ZNF285: variants seen among roughly 807,000 people sequenced by gnomAD.
The protein encoded by ZNF285 is zinc finger protein 285.
Under a neutral mutation model 6.2 loss-of-function variants are expected in ZNF285, and 4 were observed. The ratio of observed to expected loss-of-function variants is 0.65; its 90% CI spans 0.32 to 1.49. The LOEUF is 1.49. ZNF285 is among the 40% of genes most tolerant of loss of function. The pLI is 0.07. For missense variants in ZNF285, 695 were observed against 708.8 expected (o/e 0.98, Z 0.22); for synonymous variants, 240 against 245.8 (o/e 0.98, Z 0.22).
In ZNF285 at chr19:44,397,346, A is replaced by C. The variant is rs952408925; in HGVS notation, c.-43-90T>G. 2.7e-6 allele frequency: 4 copies of C among 1,466,342 alleles called. No homozygotes were observed. In the African/African-American group the frequency reaches 4.2e-5, roughly 15 times the overall value. The allele number at this position is 1,466,342 out of a possible 1,614,324, so 90.8% of individuals were successfully genotyped here. ...TCCTTATCTGTACAAGTTTCTCACA[A>C]TTTCTCCTCTCACTGGATATCATCT... On this transcript the variant is annotated intron_variant, in intron 1 of 3. Transcript: ENST00000614994.
At chr19:44,396,277 T>A (rs778260806) in intron 2 of ZNF285, among the ~76,000 whole-genome samples, 1 of 152,140 alleles carries the variant, frequency 6.6e-6, no homozygotes, top group East Asian at 1.9e-4. Context: ...AACTGCATGA[T>A]GGGTACTGCA....
At chr19:44,394,482 C>G in intron 2 of ZNF285, 1 of 484,486 alleles carries the variant, frequency 2.1e-6, no homozygotes, top group Non-Finnish European at 3.6e-6. Context: ...AATTTTACAC[C>G]AAACCCCCGC....
At position 44,394,475 on chromosome 19, in the gene ZNF285, T is replaced by C. The variant is rs1488534219; in HGVS notation, c.16-2009A>G. On this transcript the variant is annotated intron_variant, in intron 2 of 3. Transcript: ENST00000614994. ...ATGCTGATTACCTGGGTGACAAAAT[T>C]TTACACCAAACCCCCGCAACACATA... The C allele has an allele frequency of 1.8e-5, 9 of 486,588 alleles. No individual in the cohort carries two copies. The Admixed American group carries it at 3.5e-4, about 19-fold the overall frequency. 30.1% of individuals were successfully genotyped at this position (486,588 alleles called of 1,614,324 possible).
intron 2 of ZNF285, among the ~76,000 whole-genome samples, chr19:44,394,181 T>C (rs1971241776): frequency 1.3e-5 from 2 of 151,844 alleles, no homozygotes; most frequent in Non-Finnish European, 2.9e-5. Context: ...AAACACCACA[T>C]GTTCTCACTC....
chr19:44,382,352 G>A lies in ZNF285; in HGVS notation c.*4120C>T, dbSNP rs1971017236. 7.1e-6 allele frequency: 1 copy of A among 141,120 alleles called. No individual in the cohort carries two copies. The highest frequency in any genetic ancestry group is 1.5e-5 in the Non-Finnish European group (1 of 66,272). The allele number at this position is 141,120 out of a possible 1,614,324, so 8.7% of individuals were successfully genotyped here. A position where few individuals can be genotyped will look rare whatever the true frequency, so the allele number is the denominator to read the frequency against. On this transcript the variant is annotated 3_prime_UTR_variant, in exon 4 of 4. Coordinates refer to ENST00000614994, the MANE Select transcript of ZNF285 (RefSeq NM_152354.6). ...CTTGCCCTGTCGCCTGGGCTGGAGT[G>A]CAGTGGTGCGATCTTGGCTCATTGC...
intron 1 of ZNF285, among the ~76,000 whole-genome samples, chr19:44,401,272 G>A (rs1219855258): frequency 6.6e-6 from 1 of 152,142 alleles, no homozygotes; most frequent in Non-Finnish European, 1.5e-5. Flanking sequence ...GCTTCGACCC[G>A]AGGAGGCACA....
chr19:44,392,382 G>A lies in ZNF285; in HGVS notation c.100C>T (p.Gln34Ter). The A allele has an allele frequency of 6.2e-7, 1 of 1,613,788 alleles. No individual in the cohort carries two copies. Among genetic ancestry groups the A allele is most frequent in the East Asian group, 2.2e-5 (1 of 44,886 alleles). The change falls in exon 3 of 4, where the codon CAA (glutamine) becomes TAA (stop). Residue 34 changes from glutamine to a stop codon, truncating the protein, a stop_gained. Transcript: ENST00000614994. LOFTEE classifies it low-confidence loss of function (END_TRUNC). ...LLDKAQINLY[Q>*]DVMLENFRNL... ...CTGAAGTTTTCCAGCATCACATCTT[G>A]GTACAGGTTTATCTGGGCTTTATCC...
intron 3 of ZNF285, among the ~76,000 whole-genome samples, chr19:44,390,563 C>T (rs552453574): frequency 7.2e-5 from 11 of 152,156 alleles, no homozygotes; most frequent in Admixed American, 2.0e-4. Flanking sequence ...GGCTTGTCTC[C>T]GATGAGACAA....
At position 44,388,091 on chromosome 19, in the gene ZNF285, T is replaced by C. The variant is rs375736113; in HGVS notation, c.154A>G (p.Lys52Glu). 2.0e-5 allele frequency: 33 copies of C among 1,612,594 alleles called. No individual in the cohort carries two copies. Among genetic ancestry groups the C allele is most frequent in the Non-Finnish European group, 2.8e-5 (33 of 1,179,244 alleles). ...RNLMLVRDGI[K>E]NNILNLQAKG... ...GCCTGAAGATTCAAAATGTTGTTTT[T>C]AATCCCGTCTCCTAGGAGAAGAAAG... The change falls in exon 4 of 4, where the codon AAA (lysine) becomes GAA (glutamate). Residue 52 changes from lysine to glutamate, a missense_variant. Lys to Glu is a moderately conservative substitution (Grantham distance 56). Transcript: ENST00000614994.
chr19:44,386,722 C>A lies in ZNF285; in HGVS notation c.1523G>T (p.Arg508Ile). The change falls in exon 4 of 4, where the codon AGA (arginine) becomes ATA (isoleucine). Residue 508 changes from arginine to isoleucine, a missense_variant. Physicochemically the swap from Arg to Ile is moderately conservative, Grantham distance 97. Coordinates refer to ENST00000614994, the MANE Select transcript of ZNF285 (RefSeq NM_152354.6). ...YFHLHQRDHI[R>I]EKPYKCDECG... Reference sequence around the variant, plus strand: ...CTCATCACATTTATATGGTTTCTCTCTGATGTGATCTCTTTGATGTAAGTG... The same window carrying A: ...CTCATCACATTTATATGGTTTCTCTATGATGTGATCTCTTTGATGTAAGTG... 1 of 1,614,196 alleles carries A rather than the reference C, an allele frequency of 6.2e-7. No individual in the cohort carries two copies. The highest frequency in any genetic ancestry group is 8.5e-7 in the Non-Finnish European group (1 of 1,180,026).
intron 2 of ZNF285, among the ~76,000 whole-genome samples, chr19:44,393,064 T>C (rs1411161534): frequency 6.6e-6 from 1 of 152,064 alleles, no homozygotes; most frequent in Non-Finnish European, 1.5e-5. Flanking sequence ...AACTAGGTAT[T>C]AAAAAATAGT....
At chr19:44,396,043 A>G (rs543877663) in intron 2 of ZNF285, among the ~76,000 whole-genome samples, 48 of 152,158 alleles carry the variant, frequency 3.2e-4, no homozygotes, top group Middle Eastern at 3.2e-3. Context: ...TAGAAAATGT[A>G]CCTAATGAAT....
At chr19:44,391,877 C>G (rs189123272) in intron 3 of ZNF285, among the ~76,000 whole-genome samples, 14 of 152,178 alleles carry the variant, frequency 9.2e-5, no homozygotes, top group Admixed American at 2.0e-4. Context: ...TACTACATAC[C>G]AGTAAGTGTT....
chr19:44,400,816 C>T (rs1257467930), intron 1 of ZNF285, among the ~76,000 whole-genome samples: 1 of 152,036 alleles, frequency 6.6e-6, no homozygotes, highest in South Asian at 2.1e-4. Flanking sequence ...CTCCTGACCT[C>T]GTGATCCGCC....
chr19:44,396,430 A>G (rs2123285221), intron 2 of ZNF285, among the ~76,000 whole-genome samples: 1 of 152,314 alleles, frequency 6.6e-6, no homozygotes, highest in East Asian at 1.9e-4. Context: ...CAGTTATTGA[A>G]TCAAACACTA....
chr19:44,392,841 G>T (rs1049710044), intron 2 of ZNF285, among the ~76,000 whole-genome samples: 1 of 152,152 alleles, frequency 6.6e-6, no homozygotes, highest in Non-Finnish European at 1.5e-5. Flanking sequence ...CTAAGGTGTT[G>T]TGCTGATACA....
At chr19:44,395,656 A>G (rs1240580939) in intron 2 of ZNF285, among the ~76,000 whole-genome samples, 1 of 152,114 alleles carries the variant, frequency 6.6e-6, no homozygotes, top group Non-Finnish European at 1.5e-5. Context: ...GGTAAGTTAG[A>G]CTGCTGTTTA....
At position 44,392,480 on chromosome 19, in the gene ZNF285, C is replaced by A. The variant is rs187124306; in HGVS notation, c.16-14G>T. On this transcript the variant is annotated splice_polypyrimidine_tract_variant and intron_variant, in intron 2 of 3. Coordinates refer to ENST00000614994, the MANE Select transcript of ZNF285 (RefSeq NM_152354.6). ...TGTCACCCTTTCCTAAAACATCAACCACATGCCACGTCAATCATCCACACA... is the reference window on the plus strand; with the variant it reads ...TGTCACCCTTTCCTAAAACATCAACAACATGCCACGTCAATCATCCACACA... 4.4e-4 allele frequency: 702 copies of A among 1,613,784 alleles called. No homozygotes were observed. In the Middle Eastern group the frequency reaches 8.1e-3, roughly 19 times the overall value.
chr19:44,386,579 G>A lies in ZNF285; in HGVS notation c.1666C>T (p.Leu556Phe), dbSNP rs777841874. Residue 556 changes from leucine (L) to phenylalanine (F), a missense_variant, in exon 4 of 4, where the codon CTT becomes TTT. By Grantham distance (22) the Leu-to-Phe change is conservative. Coordinates refer to ENST00000614994, the MANE Select transcript of ZNF285 (RefSeq NM_152354.6). ...GKGFSRNSYL[L>F]AHQRVHIDET... is the part of the protein sequence containing the mutation. ...TCTATATGCACTCTCTGATGGGCAA[G>A]GAGGTATGAATTACGACTGAAGCCC... 2 of 1,614,170 alleles carry A rather than the reference G, an allele frequency of 1.2e-6. No homozygotes were observed. Among genetic ancestry groups the A allele is most frequent in the South Asian group, 2.2e-5 (2 of 91,082 alleles).
Sources: gnomAD v4.1 joint callset for allele counts (sites outside exome capture counted in the v4.1 genomes callset) on GRCh38, gnomAD v4.1.1 for gene constraint, MANE v1.5 for transcripts, NCBI Gene and HGNC (gene_info 2026-07-23, HGNC 2026-07-21) for gene names.